Variants in SV2C observed in about 807,000 individuals in gnomAD.
SV2C encodes the protein solute carrier family 22 member B3.
Under a neutral mutation model 79.7 loss-of-function variants are expected in SV2C, and 49 were observed. The observed-to-expected ratio is 0.61, with a 90% CI of 0.49 to 0.78. SV2C has a LOEUF of 0.78. Among genes scored for constraint, SV2C ranks in the 30% least tolerant of loss-of-function variants. The pLI, the probability that SV2C is intolerant of heterozygous loss-of-function variation, is 0.00. For missense variants in SV2C, 833 were observed against 912.9 expected (o/e 0.91, Z 1.13); for synonymous variants, 334 against 333.2 (o/e 1.00, Z -0.03).
At position 76,107,786 on chromosome 5, in the gene SV2C, G is replaced by A. The variant is rs79885340; in HGVS notation, c.-101-23864G>A. ...GGAGAATCACTCAAACCCATGAGTC[G>A]AGGTTGCAGTGAGCCAAGATCACAC... On this transcript the variant is annotated intron_variant, in intron 1 of 12. Transcript: ENST00000502798. Among the ~76,000 whole-genome samples, 10 of 152,212 alleles carry A rather than the reference G, an allele frequency of 6.6e-5. No individual in the cohort carries two copies. The East Asian group carries it at 1.9e-3, about 29-fold the overall frequency.
chr5:76,070,482 T>A, the SV2C span, among the ~76,000 whole-genome samples: 1 of 152,190 alleles, frequency 6.6e-6, no homozygotes, highest in South Asian at 2.1e-4. Context: ...CTGGACATGC[T>A]TTGTAAGTAA....
At chr5:76,158,902 T>A (rs1742818117) in intron 2 of SV2C, among the ~76,000 whole-genome samples, 1 of 151,892 alleles carries the variant, frequency 6.6e-6, no homozygotes, top group South Asian at 2.1e-4. Context: ...TCTAACAAAA[T>A]ACTAGCAAGC....
chr5:76,004,766 A>C, the SV2C span, among the ~76,000 whole-genome samples: 12 of 152,178 alleles, frequency 7.9e-5, no homozygotes, highest in Admixed American at 7.9e-4. Context: ...ACAGAAATGC[A>C]TTTTATACAT....
intron 4 of SV2C, among the ~76,000 whole-genome samples, chr5:76,281,913 T>C (rs1747210441): frequency 1.3e-5 from 2 of 152,230 alleles, no homozygotes; most frequent in Admixed American, 1.3e-4. Flanking sequence ...TTAATAACAC[T>C]TACAAAGCCC....
At chr5:76,125,782 G>A (rs766282893) in intron 1 of SV2C, among the ~76,000 whole-genome samples, 33 of 152,178 alleles carry the variant, frequency 2.2e-4, no homozygotes, top group Admixed American at 3.3e-4. Flanking sequence ...TTAAGGCCAG[G>A]TGCAGTGGCT....
intron 1 of SV2C, among the ~76,000 whole-genome samples, chr5:76,130,698 C>T (rs956959562): frequency 5.3e-5 from 8 of 152,050 alleles, no homozygotes; most frequent in African/African-American, 1.9e-4. Context: ...GGAACCAAGG[C>T]ATGAGGGGAC....
At chr5:75,900,928 A>G in the SV2C span, among the ~76,000 whole-genome samples, 2 of 152,120 alleles carry the variant, frequency 1.3e-5, no homozygotes. Flanking sequence ...CTTGGTTTTC[A>G]GCTCCATCAG....
the SV2C span, among the ~76,000 whole-genome samples, chr5:75,897,292 C>A: frequency 6.6e-6 from 1 of 151,766 alleles, no homozygotes; most frequent in Non-Finnish European, 1.5e-5. Context: ...ATATGGCTAG[C>A]CTGTTTTCCC....
the SV2C span, among the ~76,000 whole-genome samples, chr5:75,848,236 A>C: frequency 6.6e-6 from 1 of 152,218 alleles, no homozygotes; most frequent in Admixed American, 6.5e-5. Context: ...GCAGCACCAG[A>C]AGGCAAAGAA....
chr5:75,960,192 T>C, the SV2C span, among the ~76,000 whole-genome samples: 28 of 152,168 alleles, frequency 1.8e-4, no homozygotes, highest in African/African-American at 6.7e-4. Flanking sequence ...TGGTTTTCTT[T>C]GTTATAACCC....
intron 12 of SV2C, among the ~76,000 whole-genome samples, chr5:76,304,834 C>T (rs1445632977): frequency 6.6e-6 from 1 of 152,174 alleles, no homozygotes; most frequent in African/African-American, 2.4e-5. Context: ...AGGCCCCCCT[C>T]TCTTAATACT....
intron 2 of SV2C, among the ~76,000 whole-genome samples, chr5:76,168,777 T>C (rs538523161): frequency 4.3e-4 from 66 of 152,322 alleles, no homozygotes; most frequent in Non-Finnish European, 7.8e-4. Context: ...CTGTGGGGGT[T>C]TCAGTAGTTC....
chr5:76,013,692 A>T, the SV2C span, among the ~76,000 whole-genome samples: 1 of 152,136 alleles, frequency 6.6e-6, no homozygotes, highest in South Asian at 2.1e-4. Flanking sequence ...TAATTTATAA[A>T]AATAATGTAT....
Position 76,142,179 on chromosome 5 carries a change from A to G in SV2C, c.580+9849A>G, listed in dbSNP as rs77218792. On this transcript the variant is annotated intron_variant, in intron 2 of 12. Coordinates refer to ENST00000502798, the MANE Select transcript of SV2C (RefSeq NM_014979.4). ...ACCAACATTTTTACCCTAAATTTAG[A>G]AATTTCTTTTTGGCCTGTAAGATTG... 3.5e-4 allele frequency among the ~76,000 whole-genome samples: 54 copies of G among 152,350 alleles called. 1 individual carries two copies. In the East Asian group the frequency reaches 9.4e-3, roughly 27 times the overall value.
intron 2 of SV2C, among the ~76,000 whole-genome samples, chr5:76,140,414 T>C (rs1348666229): frequency 6.6e-6 from 1 of 152,184 alleles, no homozygotes; most frequent in Non-Finnish European, 1.5e-5. Context: ...CTTATTCCTT[T>C]AGGGATTAAC....
chr5:76,112,846 C>A (rs1748136373), intron 1 of SV2C, among the ~76,000 whole-genome samples: 1 of 152,126 alleles, frequency 6.6e-6, no homozygotes. Flanking sequence ...ACAAAAGTGC[C>A]TTTATACCTT....
At chr5:76,220,733 G>A (rs947978896) in intron 4 of SV2C, among the ~76,000 whole-genome samples, 19 of 152,106 alleles carry the variant, frequency 1.2e-4, no homozygotes, top group African/African-American at 4.3e-4. Context: ...GATAGAGGCA[G>A]TCCGGGGCTG....
chr5:75,865,079 T>C, the SV2C span, among the ~76,000 whole-genome samples: 1 of 152,176 alleles, frequency 6.6e-6, no homozygotes, highest in South Asian at 2.1e-4. Flanking sequence ...AGCACAGACT[T>C]AACACACTTT....
intron 1 of SV2C, among the ~76,000 whole-genome samples, chr5:76,085,276 G>A: frequency 6.6e-6 from 1 of 152,148 alleles, no homozygotes; most frequent in East Asian, 1.9e-4. Flanking sequence ...TTGGCAGGAG[G>A]CCTGGCCTCT....
Sources: gnomAD v4.1 joint callset for allele counts (sites outside exome capture counted in the v4.1 genomes callset) on GRCh38, gnomAD v4.1.1 for gene constraint, MANE v1.5 for transcripts, NCBI Gene and HGNC (gene_info 2026-07-23, HGNC 2026-07-21) for gene names.